The following FBXL7 variants were observed in gnomAD, a reference collection of about 807,000 sequenced individuals.
The protein encoded by FBXL7 is F-box and leucine rich repeat protein 7.
A neutral mutation model predicts 38.3 loss-of-function variants in FBXL7; 12 were observed. That is an observed-to-expected ratio of 0.31 (90% CI 0.20 to 0.51). The LOEUF (loss-of-function observed/expected upper bound fraction) is 0.51, where lower values mean the gene tolerates loss of function less well. Ranked by LOEUF, FBXL7 falls within the 20% of genes least tolerant of loss-of-function variation. FBXL7 has a pLI of 0.98. For missense variants in FBXL7, 567 were observed against 676.4 expected, an observed-to-expected ratio of 0.84 and a Z score of 1.79; for synonymous variants, 297 against 300.9, an observed-to-expected ratio of 0.99 and a Z score of 0.13.
At chr5:15,512,838 T>C (rs998219117) in intron 1 of FBXL7, among the ~76,000 whole-genome samples, 1 of 152,216 alleles carries the variant, frequency 6.6e-6, no homozygotes, top group East Asian at 1.9e-4. Flanking sequence ...TAGTATTTGT[T>C]TTATCTGACT....
chr5:15,749,566 G>T (rs1018754044), intron 2 of FBXL7, among the ~76,000 whole-genome samples: 1 of 152,080 alleles, frequency 6.6e-6, no homozygotes, highest in African/African-American at 2.4e-5. Context: ...GGCGGAGCTT[G>T]CAGTGAGCCG....
chr5:15,923,809 A>C (rs1741809482), intron 2 of FBXL7, among the ~76,000 whole-genome samples: 1 of 152,154 alleles, frequency 6.6e-6, no homozygotes, highest in Admixed American at 6.5e-5. Context: ...CGCTTGGAGT[A>C]TGAAAGAGTG....
At chr5:15,795,320 T>C (rs1024649239) in intron 2 of FBXL7, among the ~76,000 whole-genome samples, 2 of 152,176 alleles carry the variant, frequency 1.3e-5, no homozygotes, top group African/African-American at 2.4e-5. Context: ...CCGTATATCA[T>C]CATTTGACTA....
At chr5:15,592,655 C>T (rs373206773) in intron 1 of FBXL7, among the ~76,000 whole-genome samples, 7 of 152,134 alleles carry the variant, frequency 4.6e-5, no homozygotes, top group East Asian at 3.9e-4. Flanking sequence ...ATTTGAAGAC[C>T]GGGCTTATCA....
chr5:15,816,062 T>C (rs886290981), intron 2 of FBXL7, among the ~76,000 whole-genome samples: 2 of 152,280 alleles, frequency 1.3e-5, no homozygotes, highest in East Asian at 1.9e-4. Flanking sequence ...GTTATTATCA[T>C]TTCTTTATGC....
intron 2 of FBXL7, among the ~76,000 whole-genome samples, chr5:15,689,678 C>T (rs1743124114): frequency 6.6e-6 from 1 of 152,142 alleles, no homozygotes; most frequent in African/African-American, 2.4e-5. Context: ...AGTAAATGCT[C>T]AATAAATTGA....
chr5:15,692,682 G>T lies in FBXL7; in HGVS notation c.127+76610G>T, dbSNP rs947582268. ...TGCAAATAAAGGTGTTCCAAAGATC[G>T]TGCAAATGATCTTGGGGTCACAGCT... On this transcript the variant is annotated intron_variant, in intron 2 of 3. Transcript: ENST00000504595. Among the ~76,000 whole-genome samples, 4 of 152,268 alleles carry T rather than the reference G, an allele frequency of 2.6e-5. No individual in the cohort carries two copies. In the East Asian group the frequency reaches 5.8e-4, roughly 22 times the overall value.
chr5:15,750,923 T>G (rs887852158), intron 2 of FBXL7, among the ~76,000 whole-genome samples: 1 of 152,230 alleles, frequency 6.6e-6, no homozygotes, highest in Non-Finnish European at 1.5e-5. Context: ...TGGTCTACCT[T>G]TGACATCTGG....
At chr5:15,701,714 C>A (rs1743529855) in intron 2 of FBXL7, among the ~76,000 whole-genome samples, 1 of 151,998 alleles carries the variant, frequency 6.6e-6, no homozygotes, top group South Asian at 2.1e-4. Flanking sequence ...TGAAGAAGAA[C>A]ATAACATGAA....
intron 1 of FBXL7, among the ~76,000 whole-genome samples, chr5:15,520,107 G>T (rs935516066): frequency 2.6e-5 from 4 of 152,194 alleles, no homozygotes; most frequent in African/African-American, 9.7e-5. Context: ...AAACTGTCCT[G>T]GTTGGGGGAG....
intron 1 of FBXL7, among the ~76,000 whole-genome samples, chr5:15,590,080 G>A (rs1255009994): frequency 6.6e-6 from 1 of 152,188 alleles, no homozygotes; most frequent in East Asian, 1.9e-4. Flanking sequence ...GACCTTGGGA[G>A]TAAATGGTGT....
intron 1 of FBXL7, among the ~76,000 whole-genome samples, chr5:15,573,537 G>A (rs1308812023): frequency 6.6e-6 from 1 of 152,192 alleles, no homozygotes; most frequent in Non-Finnish European, 1.5e-5. Context: ...GGCCGAAGAA[G>A]GGATTTTTAT....
At chr5:15,568,157 C>T (rs1738647997) in intron 1 of FBXL7, among the ~76,000 whole-genome samples, 1 of 151,988 alleles carries the variant, frequency 6.6e-6, no homozygotes, top group Non-Finnish European at 1.5e-5. Context: ...TTCTAGATCC[C>T]TGAGGAATCG....
intron 2 of FBXL7, among the ~76,000 whole-genome samples, chr5:15,632,738 G>A (rs1447596096): frequency 2.6e-5 from 4 of 152,140 alleles, no homozygotes; most frequent in African/African-American, 7.2e-5. Flanking sequence ...TGCAACTGAA[G>A]GCTATTATCC....
At chr5:15,844,227 A>T (rs1229368296) in intron 2 of FBXL7, among the ~76,000 whole-genome samples, 1 of 152,260 alleles carries the variant, frequency 6.6e-6, no homozygotes, top group South Asian at 2.1e-4. Flanking sequence ...ATTTTGCTTC[A>T]ATCTTTTCCA....
chr5:15,688,519 CAACCATTCTCTTAACCATCTAGTAACTCA>C (rs1239138422), intron 2 of FBXL7, among the ~76,000 whole-genome samples: 10 of 152,122 alleles, frequency 6.6e-5, no homozygotes, highest in Non-Finnish European at 2.9e-5. Flanking sequence ...CTGGTAACTC[CAACCATTCTCTTAACCATCTAGTAACTCA>C]AACCATGCTC....
At chr5:15,648,369 G>A (rs1266925430) in intron 2 of FBXL7, among the ~76,000 whole-genome samples, 1 of 152,180 alleles carries the variant, frequency 6.6e-6, no homozygotes, top group Admixed American at 6.5e-5. Context: ...GGGTGTGTAT[G>A]AAAACTTCTG....
chr5:15,550,766 T>C (rs1414980501), intron 1 of FBXL7, among the ~76,000 whole-genome samples: 2 of 152,246 alleles, frequency 1.3e-5, no homozygotes, highest in Admixed American at 6.5e-5. Flanking sequence ...GAAAATGCCT[T>C]GCTCATTCCG....
chr5:15,568,941 T>A (rs1050976263), intron 1 of FBXL7, among the ~76,000 whole-genome samples: 1 of 152,208 alleles, frequency 6.6e-6, no homozygotes, highest in South Asian at 2.1e-4. Flanking sequence ...TCTGTTCCAT[T>A]GGTCTATATC....
Sources: allele counts gnomAD v4.1 joint callset (sites outside exome capture counted in the v4.1 genomes callset), GRCh38; gene constraint gnomAD v4.1.1; transcripts MANE v1.5; gene names NCBI Gene and HGNC (gene_info 2026-07-23, HGNC 2026-07-21).